Variants in MEMO1 observed in about 807,000 individuals in gnomAD.
MEMO1 encodes mediator of cell motility 1.
MEMO1 carries 6 observed loss-of-function variants against 45.2 expected under a neutral mutation model. The ratio of observed to expected loss-of-function variants is 0.13; its 90% CI spans 0.07 to 0.26. The LOEUF (loss-of-function observed/expected upper bound fraction) is 0.26. Among genes scored for constraint, MEMO1 ranks in the 10% least tolerant of loss-of-function variants. MEMO1 has a pLI of 1.00. For synonymous variants in MEMO1, 78 were observed against 124.3 expected, an observed-to-expected ratio of 0.63 and a Z score of 2.48; for missense variants, 184 against 370.5, an observed-to-expected ratio of 0.50 and a Z score of 4.13.
intron 2 of MEMO1, among the ~76,000 whole-genome samples, chr2:31,969,681 A>G (rs571344028): frequency 1.4e-3 from 203 of 146,634 alleles, no homozygotes; most frequent in African/African-American, 5.0e-3. Flanking sequence ...CAATGGCACA[A>G]TCACTGTAAC....
At chr2:31,996,659 G>C (rs1434372266) in intron 2 of MEMO1, among the ~76,000 whole-genome samples, 1 of 152,130 alleles carries the variant, frequency 6.6e-6, no homozygotes, top group African/African-American at 2.4e-5. Context: ...TAGGAATACA[G>C]AAGATTCCAA....
intron 8 of MEMO1, among the ~76,000 whole-genome samples, chr2:31,871,398 CAT>C (rs1209504151): frequency 1.3e-5 from 2 of 152,000 alleles, no homozygotes; most frequent in East Asian, 1.9e-4. Context: ...CAGTGGGTAA[CAT>C]AGAAATTTTA....
chr2:31,914,885 A>T (rs1197427503), intron 6 of MEMO1, among the ~76,000 whole-genome samples: 1 of 149,894 alleles, frequency 6.7e-6, no homozygotes, highest in African/African-American at 2.5e-5. Context: ...TGAGCCTAGG[A>T]GTTCAAGGCT....
intron 3 of MEMO1, among the ~76,000 whole-genome samples, chr2:31,933,345 A>ATTTT (rs869073810): frequency 2.9e-5 from 1 of 34,088 alleles, no homozygotes; most frequent in East Asian, 7.6e-4. Flanking sequence ...AAAAAAAAAA[A>ATTTT]AAAATTTATA....
intron 3 of MEMO1, among the ~76,000 whole-genome samples, chr2:31,935,399 G>C (rs1664791026): frequency 6.6e-6 from 1 of 152,166 alleles, no homozygotes; most frequent in African/African-American, 2.4e-5. Context: ...GTAAATACAT[G>C]ATTAATAATG....
chr2:31,911,043 A>C (rs779080190), intron 6 of MEMO1, among the ~76,000 whole-genome samples: 20 of 152,128 alleles, frequency 1.3e-4, no homozygotes, highest in Non-Finnish European at 2.2e-4. Flanking sequence ...GGAAGACAAA[A>C]AAAAAGGGGG....
intron 2 of MEMO1, among the ~76,000 whole-genome samples, chr2:32,002,959 A>C (rs755135767): frequency 1.1e-4 from 16 of 152,238 alleles, no homozygotes; most frequent in Non-Finnish European, 2.2e-4. Flanking sequence ...ATAGGATGGG[A>C]TGCAAAGAAA....
At chr2:31,977,040 A>G (rs1342747721) in intron 2 of MEMO1, among the ~76,000 whole-genome samples, 1 of 152,202 alleles carries the variant, frequency 6.6e-6, no homozygotes, top group Admixed American at 6.5e-5. Flanking sequence ...GCACCTAATA[A>G]AGGATTTAGA....
At chr2:31,871,272 G>GT (rs1673686875) in intron 8 of MEMO1, among the ~76,000 whole-genome samples, 1 of 152,176 alleles carries the variant, frequency 6.6e-6, no homozygotes, top group African/African-American at 2.4e-5. Flanking sequence ...GTTATTCTGT[G>GT]TTTTTGTTTT....
chr2:31,931,845 T>C (rs568081652), intron 4 of MEMO1, among the ~76,000 whole-genome samples: 40 of 152,284 alleles, frequency 2.6e-4, no homozygotes, highest in African/African-American at 9.1e-4. Flanking sequence ...CTAAACATTT[T>C]ACATGCCAAA....
At chr2:31,923,795 A>C in intron 4 of MEMO1, 1 of 1,488,082 alleles carries the variant, frequency 6.7e-7, no homozygotes, top group African/African-American at 1.4e-5. Context: ...TTCAAGGCAT[A>C]CATAAATTTC....
intron 6 of MEMO1, among the ~76,000 whole-genome samples, chr2:31,907,945 G>A (rs1042972567): frequency 2.6e-5 from 4 of 152,092 alleles, no homozygotes; most frequent in African/African-American, 7.2e-5. Flanking sequence ...TTAATCTGTG[G>A]TTAAGAGAGA....
intron 2 of MEMO1, among the ~76,000 whole-genome samples, chr2:31,996,187 GGA>G (rs965960895): frequency 6.6e-6 from 1 of 150,674 alleles, no homozygotes; most frequent in Non-Finnish European, 1.5e-5. Context: ...GAGAGGAGAG[GGA>G]GAGAGAGAGA....
intron 2 of MEMO1, among the ~76,000 whole-genome samples, chr2:31,999,341 C>T (rs1019014533): frequency 8.5e-5 from 13 of 152,104 alleles, no homozygotes; most frequent in African/African-American, 3.1e-4. Flanking sequence ...CTGCCCAAAA[C>T]CTTCCAATGA....
intron 7 of MEMO1, among the ~76,000 whole-genome samples, chr2:31,886,655 GT>G (rs1676238969): frequency 1.3e-5 from 2 of 152,110 alleles, no homozygotes; most frequent in South Asian, 4.1e-4. Flanking sequence ...AAGTTTTTGT[GT>G]TTCTGACATT....
intron 4 of MEMO1, among the ~76,000 whole-genome samples, chr2:31,929,347 A>G (rs1201320494): frequency 6.6e-6 from 1 of 151,968 alleles, no homozygotes; most frequent in Non-Finnish European, 1.5e-5. Context: ...CATTCCGTTC[A>G]TCGCTTCCAC....
intron 2 of MEMO1, among the ~76,000 whole-genome samples, chr2:31,979,208 CAGCAGAG>C (rs1297298654): frequency 2.0e-5 from 3 of 152,142 alleles, no homozygotes; most frequent in Non-Finnish European, 2.9e-5. Flanking sequence ...ACGATGAGAA[CAGCAGAG>C]AGGAAACCAG....
chr2:31,927,025 A>T (rs1314829008), intron 4 of MEMO1, among the ~76,000 whole-genome samples: 1 of 152,038 alleles, frequency 6.6e-6, no homozygotes, highest in Non-Finnish European at 1.5e-5. Flanking sequence ...ACAGACAATG[A>T]ATTTATACAA....
At chr2:32,004,922 G>A (rs1223652694) in intron 2 of MEMO1, among the ~76,000 whole-genome samples, 2 of 141,336 alleles carry the variant, frequency 1.4e-5, no homozygotes, top group Non-Finnish European at 1.5e-5. Context: ...GTTAGACCCC[G>A]TTTCAAAAAA....
Sources: gnomAD v4.1 joint callset for allele counts (sites outside exome capture counted in the v4.1 genomes callset) on GRCh38, gnomAD v4.1.1 for gene constraint, MANE v1.5 for transcripts, NCBI Gene and HGNC (gene_info 2026-07-23, HGNC 2026-07-21) for gene names.